Variants in PCCA observed in about 807,000 individuals in gnomAD.
The protein encoded by PCCA is propionyl-CoA carboxylase subunit alpha.
PCCA carries 74 observed loss-of-function variants against 101.3 expected under a neutral mutation model. That is an observed-to-expected ratio of 0.73 (90% CI 0.61 to 0.89). The LOEUF (loss-of-function observed/expected upper bound fraction) is 0.89, where lower values mean the gene tolerates loss of function less well. Ranked by LOEUF, PCCA falls within the 40% of genes least tolerant of loss-of-function variation. The pLI, the probability that PCCA is intolerant of heterozygous loss-of-function variation, is 0.00. For synonymous variants in PCCA, 294 were observed against 313.6 expected, an observed-to-expected ratio of 0.94 and a Z score of 0.66; for missense variants, 891 against 907.0, an observed-to-expected ratio of 0.98 and a Z score of 0.23.
intron 12 of PCCA, among the ~76,000 whole-genome samples, chr13:100,277,867 A>C (rs922766860): frequency 1.3e-5 from 2 of 152,226 alleles, no homozygotes; most frequent in Non-Finnish European, 2.9e-5. Context: ...TATATGTAAA[A>C]AGTTAAAAAC....
chr13:100,492,549 T>C (rs2084982753), intron 21 of PCCA, among the ~76,000 whole-genome samples: 1 of 151,702 alleles, frequency 6.6e-6, no homozygotes, highest in African/African-American at 2.4e-5. Context: ...CATCTTGATA[T>C]GGACAGGAGG....
chr13:100,251,464 T>C (rs2061748907), intron 8 of PCCA, among the ~76,000 whole-genome samples: 1 of 152,212 alleles, frequency 6.6e-6, no homozygotes, highest in Non-Finnish European at 1.5e-5. Context: ...TTACTTTGCA[T>C]GTTATTCTTT....
intron 21 of PCCA, among the ~76,000 whole-genome samples, chr13:100,493,213 G>T (rs908950295): frequency 7.2e-5 from 11 of 152,208 alleles, no homozygotes. Flanking sequence ...TAAGGGGTTT[G>T]AGCACGTGTC....
intron 4 of PCCA, among the ~76,000 whole-genome samples, chr13:100,152,557 C>T (rs1420004929): frequency 1.3e-5 from 2 of 152,096 alleles, no homozygotes; most frequent in African/African-American, 2.4e-5. Context: ...CGCCATTCTC[C>T]TGCCTCAGCC....
At chr13:100,417,583 G>A (rs2078460008) in intron 19 of PCCA, among the ~76,000 whole-genome samples, 1 of 152,094 alleles carries the variant, frequency 6.6e-6, no homozygotes, top group African/African-American at 2.4e-5. Context: ...TGCAGTGGCC[G>A]GGGTTTGGTC....
chr13:100,438,588 G>A (rs1566303880), intron 20 of PCCA, among the ~76,000 whole-genome samples: 1 of 152,004 alleles, frequency 6.6e-6, no homozygotes, highest in Non-Finnish European at 1.5e-5. Context: ...ATTCCCACCT[G>A]TTCTGGAGGA....
At chr13:100,442,026 C>T (rs1210104285) in intron 20 of PCCA, among the ~76,000 whole-genome samples, 1 of 144,194 alleles carries the variant, frequency 6.9e-6, no homozygotes, top group Admixed American at 7.1e-5. Flanking sequence ...CAGAGTCTTG[C>T]TCTGTCACTC....
In PCCA at chr13:100,451,346, T is replaced by A. The variant is rs74905206; in HGVS notation, c.1899+2041T>A. On this transcript the variant is annotated intron_variant, in intron 21 of 23. Transcript: ENST00000376285. ...TATCCTATCCCTAGAGGTTTTTAAG[T>A]TATTAGCAATAGATAATTCTTCCAG... 4.4e-3 allele frequency among the ~76,000 whole-genome samples: 663 copies of A among 152,340 alleles called. 34 individuals carry two copies. The East Asian group carries it at 0.098, about 23-fold the overall frequency.
rs77267411 is a variant in PCCA, at chr13:100,214,926, C to T, written c.600+5463C>T. 2.1e-3 allele frequency among the ~76,000 whole-genome samples: 316 copies of T among 152,154 alleles called. 3 individuals are homozygous for T. Among genetic ancestry groups the T allele is most frequent in the East Asian group, 0.018 (91 of 5,182 alleles). ...CCAAAAATCCAGATTTGATCGTATG[C>T]CTATCTTTAATAACTTTTGAATGAC... On this transcript the variant is annotated intron_variant, in intron 7 of 23. Coordinates refer to ENST00000376285, the MANE Select transcript of PCCA (RefSeq NM_000282.4).
chr13:100,375,117 G>A (rs563715250), intron 19 of PCCA, among the ~76,000 whole-genome samples: 35 of 152,164 alleles, frequency 2.3e-4, no homozygotes, highest in African/African-American at 8.2e-4. Context: ...CCTTAATTTT[G>A]TTATTTACCC....
rs561456917 is a variant in PCCA, at chr13:100,134,421, C to CA, written c.301-20550dup. Among the ~76,000 whole-genome samples the CA allele has an allele frequency of 1.1e-3, 165 of 152,088 alleles. 1 individual carries two copies. The South Asian group carries it at 0.019, about 17-fold the overall frequency. The stretch of plus-strand genomic sequence containing the variant: ...ATCAGCTTATGTTTATGTACACACA[C>CA]AAAAAAAATCCTGCTGAGATTTTGA... On this transcript the variant is annotated intron_variant, in intron 4 of 23. Transcript: ENST00000376285.
chr13:100,460,377 C>T (rs998916275), intron 21 of PCCA, among the ~76,000 whole-genome samples: 1 of 152,184 alleles, frequency 6.6e-6, no homozygotes, highest in Non-Finnish European at 1.5e-5. Context: ...AAACATATCT[C>T]AGTGAGACTG....
intron 20 of PCCA, among the ~76,000 whole-genome samples, chr13:100,434,075 A>C (rs533113995): frequency 6.6e-6 from 1 of 152,252 alleles, no homozygotes; most frequent in African/African-American, 2.4e-5. Context: ...CTCTTGTACT[A>C]TTTCTTCCTC....
intron 4 of PCCA, among the ~76,000 whole-genome samples, chr13:100,147,813 A>G (rs560363981): frequency 5.3e-5 from 8 of 152,268 alleles, no homozygotes; most frequent in African/African-American, 1.9e-4. Context: ...ACATTCTTCA[A>G]ATGTATACTT....
At chr13:100,498,523 T>C (rs1282929484) in intron 21 of PCCA, among the ~76,000 whole-genome samples, 2 of 152,188 alleles carry the variant, frequency 1.3e-5, no homozygotes, top group Non-Finnish European at 2.9e-5. Flanking sequence ...AATTAACCAT[T>C]AGCTAAGTTA....
chr13:100,385,490 G>A (rs2076448872), intron 19 of PCCA, among the ~76,000 whole-genome samples: 1 of 152,190 alleles, frequency 6.6e-6, no homozygotes, highest in South Asian at 2.1e-4. Context: ...CAAAGGACAT[G>A]TGGCTCCTGC....
chr13:100,412,672 T>G (rs1239781219), intron 19 of PCCA, among the ~76,000 whole-genome samples: 1 of 150,522 alleles, frequency 6.6e-6, no homozygotes, highest in African/African-American at 2.5e-5. Flanking sequence ...GTTAGTTTTG[T>G]TTTTTTTTAA....
intron 4 of PCCA, among the ~76,000 whole-genome samples, chr13:100,113,673 G>T (rs560852410): frequency 6.6e-6 from 1 of 151,172 alleles, no homozygotes; most frequent in East Asian, 2.0e-4. Context: ...CTGTCTCCCG[G>T]GTTCAAGCCA....
chr13:100,323,199 A>G (rs182486242), intron 16 of PCCA, among the ~76,000 whole-genome samples: 236 of 152,406 alleles, frequency 1.5e-3, no homozygotes, highest in Admixed American at 5.7e-3. Context: ...TTTTTTTACA[A>G]AAATAGGTAG....
Sources: gnomAD v4.1 joint callset for allele counts (sites outside exome capture counted in the v4.1 genomes callset) on GRCh38, gnomAD v4.1.1 for gene constraint, MANE v1.5 for transcripts, NCBI Gene and HGNC (gene_info 2026-07-23, HGNC 2026-07-21) for gene names.